Variants in SLC36A1 observed in about 807,000 individuals in gnomAD.
SLC36A1 encodes the protein solute carrier family 36 member 1.
A neutral mutation model predicts 47.5 loss-of-function variants in SLC36A1; 30 were observed. The observed-to-expected ratio is 0.63, with a 90% CI of 0.47 to 0.86. The LOEUF (loss-of-function observed/expected upper bound fraction) is 0.86, where lower values mean the gene tolerates loss of function less well. Ranked by LOEUF, SLC36A1 falls within the 40% of genes least tolerant of loss-of-function variation. SLC36A1 has a pLI of 0.00. For missense variants in SLC36A1, 517 were observed against 606.0 expected, an observed-to-expected ratio of 0.85 and a Z score of 1.54; for synonymous variants, 255 against 249.7, an observed-to-expected ratio of 1.02 and a Z score of -0.20.
the SLC36A1 span, chr5:151,505,448 G>T: frequency 8.0e-7 from 1 of 1,255,320 alleles, no homozygotes; most frequent in Non-Finnish European, 1.1e-6. Context: ...AACAGCCTGG[G>T]CTGAGGGCTT....
the SLC36A1 span, among the ~76,000 whole-genome samples, chr5:151,547,315 A>G: frequency 3.3e-5 from 5 of 152,150 alleles, no homozygotes; most frequent in Non-Finnish European, 7.3e-5. Flanking sequence ...ACATTCTAGA[A>G]CCCAACAGAG....
the SLC36A1 span, among the ~76,000 whole-genome samples, chr5:151,520,466 C>A: frequency 6.6e-6 from 1 of 151,240 alleles, no homozygotes; most frequent in African/African-American, 2.4e-5. Context: ...CTTGGTAGGG[C>A]TGTGGTGCCG....
intron 7 of SLC36A1, among the ~76,000 whole-genome samples, chr5:151,472,254 C>T (rs1258674009): frequency 1.3e-5 from 2 of 152,236 alleles, no homozygotes; most frequent in Admixed American, 6.5e-5. Context: ...AGGAAGTATC[C>T]AGCACGGGAG....
At chr5:151,386,496 A>G in the SLC36A1 span, among the ~76,000 whole-genome samples, 2 of 151,762 alleles carry the variant, frequency 1.3e-5, no homozygotes, top group African/African-American at 4.8e-5. Context: ...TGTGATGTCC[A>G]CTTGTGTGGA....
the SLC36A1 span, chr5:151,512,352 G>A: frequency 1.2e-6 from 2 of 1,614,220 alleles, no homozygotes; most frequent in African/African-American, 2.7e-5. The surrounding 1 kb of genome is among the most constrained non-coding windows in gnomAD (Gnocchi z 4.1). Context: ...CAAAGCCCTG[G>A]GAGACATTCG....
At chr5:151,511,969 T>G in the SLC36A1 span, 1 of 592,998 alleles carries the variant, frequency 1.7e-6, no homozygotes, top group East Asian at 2.8e-5. Flanking sequence ...AAAGATAGTT[T>G]TTGTTGAGAG....
At chr5:151,528,259 G>A in the SLC36A1 span, 126 of 1,046,952 alleles carry the variant, frequency 1.2e-4, 1 homozygote, top group Middle Eastern at 2.9e-4. Context: ...GATCACAGTT[G>A]TCCCTGCCAA....
chr5:151,402,443 T>G, the SLC36A1 span, among the ~76,000 whole-genome samples: 5 of 152,204 alleles, frequency 3.3e-5, no homozygotes, highest in African/African-American at 1.2e-4. Flanking sequence ...GATATTGGCC[T>G]GTAATTTTCT....
upstream of SLC36A1, among the ~76,000 whole-genome samples, chr5:151,445,144 T>C (rs1307835082): frequency 3.6e-5 from 5 of 140,800 alleles, no homozygotes; most frequent in Non-Finnish European, 7.4e-5. Flanking sequence ...CTATTGAGAG[T>C]TTTTTTTTAT....
At chr5:151,439,464 C>T (rs1752494895) in intron 1 of SLC36A1, among the ~76,000 whole-genome samples, 1 of 151,954 alleles carries the variant, frequency 6.6e-6, no homozygotes, top group Admixed American at 6.6e-5. Context: ...ACCATCCTGG[C>T]CAACATGGTC....
At chr5:151,482,731 G>A (rs1263144396) in intron 10 of SLC36A1, among the ~76,000 whole-genome samples, 1 of 152,132 alleles carries the variant, frequency 6.6e-6, no homozygotes, top group Non-Finnish European at 1.5e-5. Context: ...TGGACATGGT[G>A]GTTGTTTCCC....
At chr5:151,416,262 C>T in the SLC36A1 span, among the ~76,000 whole-genome samples, 1 of 152,194 alleles carries the variant, frequency 6.6e-6, no homozygotes, top group Non-Finnish European at 1.5e-5. Flanking sequence ...TTTACATGCA[C>T]CTCTTAGCTT....
chr5:151,529,002 C>CGA, the SLC36A1 span, among the ~76,000 whole-genome samples: 1 of 152,042 alleles, frequency 6.6e-6, no homozygotes, highest in Non-Finnish European at 1.5e-5. Context: ...ATAGTTTGGC[C>CGA]GAGCATTGTT....
rs946521079 is a variant in SLC36A1, at chr5:151,490,075, C to T, written c.*1821C>T. Reference sequence around the variant, plus strand: ...TGAAGGGATGGGAAAAGTGGACTCTCATTGTAGTGACTCCCAACCTACCTA... The same window carrying T: ...TGAAGGGATGGGAAAAGTGGACTCTTATTGTAGTGACTCCCAACCTACCTA... On this transcript the variant is annotated 3_prime_UTR_variant, in exon 11 of 11. Transcript: ENST00000243389. 5 of 152,172 alleles carry T rather than the reference C, an allele frequency of 3.3e-5. No homozygotes were observed. The highest frequency in any genetic ancestry group is 1.2e-4 in the African/African-American group (5 of 41,428). 9.4% of individuals were successfully genotyped at this position (152,172 alleles called of 1,614,324 possible).
chr5:151,485,757 C>T (rs1250819539), intron 10 of SLC36A1, among the ~76,000 whole-genome samples: 1 of 152,224 alleles, frequency 6.6e-6, no homozygotes, highest in African/African-American at 2.4e-5. Flanking sequence ...CTTAGCAGTG[C>T]TCTCTGCTGG....
the SLC36A1 span, among the ~76,000 whole-genome samples, chr5:151,377,230 G>A: frequency 6.6e-6 from 1 of 151,944 alleles, no homozygotes; most frequent in African/African-American, 2.4e-5. Context: ...TGGTCCATTT[G>A]GCCTAGAGTC....
Position 151,468,026 on chromosome 5 carries a change from C to T in SLC36A1, c.723+101C>T, listed in dbSNP as rs13355111. On this transcript the variant is annotated intron_variant, in intron 7 of 10. Coordinates refer to ENST00000243389, the MANE Select transcript of SLC36A1 (RefSeq NM_078483.4). ...ATCCCAGCACTTTGGGAGGTGGGGG[C>T]GGGTGGATCACCTGAGATCAGGAGT... The T allele has an allele frequency of 0.024, 19,352 of 797,358 alleles. 1,115 individuals are homozygous for T. The highest frequency in any genetic ancestry group is 0.15 in the African/African-American group (8,701 of 57,784). The allele number at this position is 797,358 out of a possible 1,614,324, so 49.4% of individuals were successfully genotyped here.
At position 151,455,961 on chromosome 5, in the gene SLC36A1, T is replaced by C. The variant is rs779931825; in HGVS notation, c.-5-2827T>C. 2.1e-4 allele frequency among the ~76,000 whole-genome samples: 32 copies of C among 152,194 alleles called. 1 individual carries two copies. Among genetic ancestry groups the C allele is most frequent in the Non-Finnish European group, 3.5e-4 (24 of 68,030 alleles). On this transcript the variant is annotated intron_variant, in intron 1 of 10. Transcript: ENST00000243389. ...TTTATGACTTAGTGGTGTCAGTTAG[T>C]CTAGAACCCACATAGCAAGTGGCTT...
chr5:151,505,533 C>T, the SLC36A1 span: 1 of 1,612,924 alleles, frequency 6.2e-7, no homozygotes, highest in Admixed American at 1.7e-5. Flanking sequence ...CAGTCCTTGG[C>T]CTCCCGCCTG....
Sources: gnomAD v4.1 joint callset for allele counts (sites outside exome capture counted in the v4.1 genomes callset) on GRCh38, gnomAD v4.1.1 for gene constraint, Gnocchi (gnomAD v3.1) non-coding constraint, MANE v1.5 for transcripts, NCBI Gene and HGNC (gene_info 2026-07-23, HGNC 2026-07-21) for gene names.